IL15: variants seen among roughly 807,000 people sequenced by gnomAD.
The protein encoded by IL15 is interleukin-15.
Under a neutral mutation model 19.6 loss-of-function variants are expected in IL15, and 11 were observed. The observed-to-expected ratio is 0.56, with a 90% CI of 0.35 to 0.93. IL15 has a LOEUF of 0.93. IL15 is among the 40% of genes least tolerant of loss of function. The pLI, the probability that IL15 is intolerant of heterozygous loss-of-function variation, is 0.01. For missense variants in IL15, 197 were observed against 186.5 expected (o/e 1.06, Z -0.33); for synonymous variants, 58 against 59.6 (o/e 0.97, Z 0.12).
chr4:141,707,457 G>T (rs1262207724), intron 2 of IL15, among the ~76,000 whole-genome samples: 2 of 152,038 alleles, frequency 1.3e-5, no homozygotes, highest in Non-Finnish European at 1.5e-5. Context: ...ATGTTTTCTT[G>T]CTTTTATTAT....
chr4:141,702,856 G>C (rs1412052494), intron 2 of IL15, among the ~76,000 whole-genome samples: 1 of 152,178 alleles, frequency 6.6e-6, no homozygotes, highest in Non-Finnish European at 1.5e-5. Flanking sequence ...ACTAGGATGA[G>C]TGGAGAAATA....
At chr4:141,653,266 G>C (rs1365953909) in intron 1 of IL15, among the ~76,000 whole-genome samples, 1 of 152,094 alleles carries the variant, frequency 6.6e-6, no homozygotes, top group Non-Finnish European at 1.5e-5. Context: ...TCTTCCAGGA[G>C]TTCATCTTCT....
At chr4:141,641,510 C>T (rs1432496251) in intron 1 of IL15, among the ~76,000 whole-genome samples, 3 of 151,996 alleles carry the variant, frequency 2.0e-5, no homozygotes, top group Non-Finnish European at 4.4e-5. Flanking sequence ...ACTATGCAGC[C>T]ATAAAAAAGG....
intron 2 of IL15, among the ~76,000 whole-genome samples, chr4:141,696,700 T>C (rs150209704): frequency 2.2e-3 from 328 of 151,992 alleles, no homozygotes; most frequent in African/African-American, 7.5e-3. Context: ...AATGATAAGT[T>C]CATTAGTAAG....
chr4:141,692,626 A>G (rs960170887), intron 2 of IL15, among the ~76,000 whole-genome samples: 3 of 152,168 alleles, frequency 2.0e-5, no homozygotes, highest in East Asian at 1.9e-4. Flanking sequence ...AAAGTTGCAC[A>G]GATCTTTAGG....
intron 2 of IL15, among the ~76,000 whole-genome samples, chr4:141,703,904 T>C (rs1729421390): frequency 6.6e-6 from 1 of 152,214 alleles, no homozygotes. Flanking sequence ...GATTTTTAAA[T>C]GTTGTTTTTC....
chr4:141,649,557 A>G (rs1448307051), intron 1 of IL15, among the ~76,000 whole-genome samples: 1 of 152,100 alleles, frequency 6.6e-6, no homozygotes, highest in Non-Finnish European at 1.5e-5. Context: ...TGAAATTTTC[A>G]TTATTTATAG....
At chr4:141,711,305 G>T (rs1227367761) in intron 2 of IL15, among the ~76,000 whole-genome samples, 1 of 152,072 alleles carries the variant, frequency 6.6e-6, no homozygotes, top group Non-Finnish European at 1.5e-5. Context: ...GAAATACTTA[G>T]CAGTTTGGAA....
At chr4:141,643,062 T>A (rs922431845) in intron 1 of IL15, among the ~76,000 whole-genome samples, 1 of 152,174 alleles carries the variant, frequency 6.6e-6, no homozygotes, top group South Asian at 2.1e-4. Context: ...TTAGGGAAAT[T>A]AGTTTGAGGT....
chr4:141,692,109 G>A (rs1728931627), intron 2 of IL15, among the ~76,000 whole-genome samples: 1 of 152,234 alleles, frequency 6.6e-6, no homozygotes, highest in South Asian at 2.1e-4. Flanking sequence ...AACCACCAAG[G>A]CTTGGGACTT....
intron 2 of IL15, among the ~76,000 whole-genome samples, chr4:141,673,226 A>G (rs79409477): frequency 0.024 from 3,680 of 152,320 alleles, 151 homozygotes; most frequent in African/African-American, 0.083. Context: ...AGAAAATCTC[A>G]TTTTTGAATC....
intron 1 of IL15, among the ~76,000 whole-genome samples, chr4:141,639,019 T>G (rs2152148371): frequency 6.6e-6 from 1 of 152,332 alleles, no homozygotes; most frequent in South Asian, 2.1e-4. Context: ...ATAACTTAAG[T>G]TATGAGAAAC....
At chr4:141,714,562 C>T (rs1729812390) in intron 2 of IL15, 1 of 152,248 alleles carries the variant, frequency 6.6e-6, no homozygotes, top group Non-Finnish European at 1.5e-5. Context: ...CATCTAACCC[C>T]TAAAAGTGCT....
At chr4:141,639,430 G>T (rs1026370068) in intron 1 of IL15, among the ~76,000 whole-genome samples, 7 of 152,110 alleles carry the variant, frequency 4.6e-5, no homozygotes, top group African/African-American at 1.7e-4. Flanking sequence ...ATATGTGTTT[G>T]GTATATTGGA....
rs957021855 is a variant in IL15, at chr4:141,731,260, C to T, written c.378+1276C>T. 5.3e-5 allele frequency among the ~76,000 whole-genome samples: 8 copies of T among 152,082 alleles called. No homozygotes were observed. The South Asian group carries it at 8.3e-4, about 16-fold the overall frequency. ...TGAGCACTCCCTGTCCCCTTCTCTG[C>T]GTGTCCCATATCTGGAATATGATAT... On this transcript the variant is annotated intron_variant, in intron 7 of 7. Transcript: ENST00000320650.
chr4:141,653,047 A>G (rs1044688782), intron 1 of IL15, among the ~76,000 whole-genome samples: 2 of 152,182 alleles, frequency 1.3e-5, no homozygotes, highest in African/African-American at 4.8e-5. Context: ...CTGAGTGATC[A>G]CATAGAGACT....
At chr4:141,705,020 C>G (rs969680536) in intron 2 of IL15, among the ~76,000 whole-genome samples, 2 of 151,210 alleles carry the variant, frequency 1.3e-5, no homozygotes, top group African/African-American at 4.8e-5. Context: ...TTTTAAAAAG[C>G]CAAATCTTTG....
chr4:141,711,331 A>G (rs1366929814), intron 2 of IL15, among the ~76,000 whole-genome samples: 2 of 152,096 alleles, frequency 1.3e-5, no homozygotes, highest in African/African-American at 2.4e-5. Flanking sequence ...AATTGGCGAG[A>G]TGAATGTAGC....
chr4:141,658,861 A>AT (rs5862540), intron 2 of IL15, among the ~76,000 whole-genome samples: 70 of 136,682 alleles, frequency 5.1e-4, no homozygotes, highest in Non-Finnish European at 6.0e-4. Context: ...GTTTCTTGGA[A>AT]TTTTTTTTTT....
Sources: allele counts gnomAD v4.1 joint callset (sites outside exome capture counted in the v4.1 genomes callset), GRCh38; gene constraint gnomAD v4.1.1; transcripts MANE v1.5; gene names NCBI Gene and HGNC (gene_info 2026-07-23, HGNC 2026-07-21).